The following SUCO variants were observed in gnomAD, a reference collection of about 807,000 sequenced individuals.
The protein encoded by SUCO is SUN domain-containing ossification factor.
SUCO carries 57 observed loss-of-function variants against 148.1 expected under a neutral mutation model. The ratio of observed to expected loss-of-function variants is 0.38; its 90% CI spans 0.31 to 0.48. SUCO has a LOEUF of 0.48. SUCO is among the 20% of genes least tolerant of loss of function. The pLI is 0.96. For missense variants in SUCO, 1,331 were observed against 1,468.2 expected, an observed-to-expected ratio of 0.91 and a Z score of 1.53; for synonymous variants, 470 against 502.7, an observed-to-expected ratio of 0.93 and a Z score of 0.87.
At chr1:172,582,736 C>T (rs1466775712) in intron 15 of SUCO, among the ~76,000 whole-genome samples, 1 of 151,984 alleles carries the variant, frequency 6.6e-6, no homozygotes, top group Non-Finnish European at 1.5e-5. Context: ...AAAAAAGATA[C>T]ATTAGGCAGT....
intron 20 of SUCO, among the ~76,000 whole-genome samples, chr1:172,601,498 CAAAAAAAAAA>C (rs10633040): frequency 8.7e-6 from 1 of 115,106 alleles, no homozygotes. Context: ...GGCTCTGTCT[CAAAAAAAAAA>C]AAAAAAGTAA....
At chr1:172,581,496 T>G (rs1035741531) in intron 15 of SUCO, among the ~76,000 whole-genome samples, 3 of 152,210 alleles carry the variant, frequency 2.0e-5, no homozygotes, top group African/African-American at 7.2e-5. Flanking sequence ...TGCTGCCTTC[T>G]GTATCTGTGT....
chr1:172,558,964 G>A (rs1471583524), intron 6 of SUCO, among the ~76,000 whole-genome samples: 3 of 152,144 alleles, frequency 2.0e-5, no homozygotes, highest in Non-Finnish European at 4.4e-5. Flanking sequence ...TTAATTAACT[G>A]TATTAATTAC....
chr1:172,552,895 G>C (rs1317958609), intron 2 of SUCO, among the ~76,000 whole-genome samples: 1 of 152,012 alleles, frequency 6.6e-6, no homozygotes, highest in Non-Finnish European at 1.5e-5. Context: ...AAAGGTATTA[G>C]AAATTCTAAC....
intron 3 of SUCO, chr1:172,555,399 C>T (rs1571202655): frequency 3.0e-6 from 3 of 985,316 alleles, no homozygotes; most frequent in East Asian, 1.1e-4. Context: ...CCAGGTCATT[C>T]AAGACTGAAG....
chr1:172,572,424 A>C (rs1655097109), intron 9 of SUCO, among the ~76,000 whole-genome samples: 1 of 151,478 alleles, frequency 6.6e-6, no homozygotes, highest in Non-Finnish European at 1.5e-5. Flanking sequence ...TCCCTGAAAC[A>C]TGTGCTGTGT....
At chr1:172,597,553 T>C (rs963088084) in intron 19 of SUCO, among the ~76,000 whole-genome samples, 2 of 152,256 alleles carry the variant, frequency 1.3e-5, no homozygotes, top group Admixed American at 6.5e-5. Context: ...GATAATCTTA[T>C]TGACTGCAAG....
chr1:172,540,238 G>A (rs904406432), intron 1 of SUCO, among the ~76,000 whole-genome samples: 2 of 152,156 alleles, frequency 1.3e-5, no homozygotes, highest in Non-Finnish European at 2.9e-5. Flanking sequence ...CCGGTATGCT[G>A]TGCTGCCAGT....
Position 172,553,124 on chromosome 1 carries a change from A to C in SUCO, c.178-136A>C, listed in dbSNP as rs897795424. 1.3e-5 allele frequency: 12 copies of C among 959,638 alleles called. No homozygotes were observed. In the African/African-American group the frequency reaches 2.0e-4, roughly 16 times the overall value. The allele number at this position is 959,638 out of a possible 1,614,324, so 59.4% of individuals were successfully genotyped here. On this transcript the variant is annotated intron_variant, in intron 2 of 23. Transcript: ENST00000263688. ...GAAATAGACAATAATCTTGTATACA[A>C]ATGAAATTAATTAGAGTCAAATAAA...
Position 172,591,024 on chromosome 1 carries a change from A to G in SUCO, c.2866A>G (p.Lys956Glu), listed in dbSNP as rs767672728. 6 of 1,612,668 alleles carry G rather than the reference A, an allele frequency of 3.7e-6. No homozygotes were observed. Among genetic ancestry groups the G allele is most frequent in the Non-Finnish European group, 5.1e-6 (6 of 1,179,226 alleles). ...QMEEMQKAFN[K>E]TIVKLQNTSR... is the part of the protein sequence containing the mutation. ...GGAAGAAATGCAAAAGGCTTTCAATAAAACAATCGTGAAACTTCAGAATAC... is the reference window on the plus strand; with the variant it reads ...GGAAGAAATGCAAAAGGCTTTCAATGAAACAATCGTGAAACTTCAGAATAC... Residue 956 changes from lysine (K) to glutamate (E), a missense_variant, in exon 19 of 24, where the codon AAA becomes GAA. Lys to Glu is a moderately conservative substitution (Grantham distance 56). Transcript: ENST00000263688.
chr1:172,539,587 C>G (rs1265694618), intron 1 of SUCO, among the ~76,000 whole-genome samples: 1 of 152,082 alleles, frequency 6.6e-6, no homozygotes, highest in East Asian at 1.9e-4. Context: ...CTGGCTGTAT[C>G]AGAAAGTATT....
Position 172,567,226 on chromosome 1 carries a change from A to G in SUCO, c.733-1793A>G, listed in dbSNP as rs542972043. 2.6e-5 allele frequency among the ~76,000 whole-genome samples: 4 copies of G among 152,352 alleles called. No individual in the cohort carries two copies. In the East Asian group the frequency reaches 7.7e-4, roughly 29 times the overall value. ...CAAATATAAACTAAATGAGACTTAT[A>G]TTGTTTACCAGAGTTTCCTATCTAA... On this transcript the variant is annotated intron_variant, in intron 6 of 23. Coordinates refer to ENST00000263688, the MANE Select transcript of SUCO (RefSeq NM_014283.5).
At chr1:172,544,910 G>A (rs1264538821) in intron 1 of SUCO, among the ~76,000 whole-genome samples, 2 of 152,220 alleles carry the variant, frequency 1.3e-5, no homozygotes, top group Non-Finnish European at 2.9e-5. Context: ...TGCAGACGTA[G>A]CAAGTTAGGA....
chr1:172,586,490 C>T (rs962357783), intron 17 of SUCO, among the ~76,000 whole-genome samples: 4 of 152,108 alleles, frequency 2.6e-5, no homozygotes, highest in Non-Finnish European at 5.9e-5. Context: ...ATAGATATAT[C>T]TTTTACCTTT....
intron 19 of SUCO, among the ~76,000 whole-genome samples, chr1:172,596,193 A>C (rs1657085628): frequency 6.6e-6 from 1 of 152,088 alleles, no homozygotes; most frequent in Admixed American, 6.6e-5. Context: ...TCTTTTTTCA[A>C]GATTTTTAGC....
At chr1:172,539,023 G>A (rs1394587930) in intron 1 of SUCO, among the ~76,000 whole-genome samples, 1 of 152,200 alleles carries the variant, frequency 6.6e-6, no homozygotes, top group Admixed American at 6.5e-5. Context: ...CAGTAGGGTT[G>A]ACAGGCAATG....
chr1:172,543,567 A>G (rs777709504), intron 1 of SUCO, among the ~76,000 whole-genome samples: 6 of 152,220 alleles, frequency 3.9e-5, no homozygotes, highest in Non-Finnish European at 7.3e-5. Flanking sequence ...TGTTGGATCA[A>G]TGAAATTATG....
chr1:172,563,322 G>C (rs535397351), intron 6 of SUCO, among the ~76,000 whole-genome samples: 1 of 152,354 alleles, frequency 6.6e-6, no homozygotes, highest in East Asian at 1.9e-4. Flanking sequence ...ACTTCCTAGA[G>C]ACTTGTTGAA....
At chr1:172,562,858 C>T (rs1254575151) in intron 6 of SUCO, among the ~76,000 whole-genome samples, 1 of 152,118 alleles carries the variant, frequency 6.6e-6, no homozygotes, top group African/African-American at 2.4e-5. Flanking sequence ...GTTAGAGGAG[C>T]GGCCAGATGG....
Sources: allele counts gnomAD v4.1 joint callset (sites outside exome capture counted in the v4.1 genomes callset), GRCh38; gene constraint gnomAD v4.1.1; transcripts MANE v1.5; gene names NCBI Gene and HGNC (gene_info 2026-07-23, HGNC 2026-07-21).